Variants in JARID2 observed in about 807,000 individuals in gnomAD.
The protein encoded by JARID2 is jumonji and AT-rich interaction domain containing 2, also known as protein Jumonji.
Under a neutral mutation model 125.6 loss-of-function variants are expected in JARID2, and 21 were observed. The ratio of observed to expected loss-of-function variants is 0.17; its 90% confidence interval spans 0.12 to 0.24. JARID2 has a LOEUF of 0.24. JARID2 is among the 10% of genes least tolerant of loss of function. The pLI is 1.00. For synonymous variants in JARID2, 736 were observed against 661.6 expected (o/e 1.11, Z -1.73); for missense variants, 1,303 against 1,639.6 (o/e 0.79, Z 3.55).
At chr6:15,460,294 C>T (rs999368477) in intron 4 of JARID2, among the ~76,000 whole-genome samples, 3 of 152,150 alleles carry the variant, frequency 2.0e-5, no homozygotes, top group Non-Finnish European at 2.9e-5. Context: ...TGTGAGGATT[C>T]TCCCTGCTAC....
At chr6:15,511,105 G>A (rs563985174) in intron 12 of JARID2, among the ~76,000 whole-genome samples, 191 bp from the exon 13 acceptor site, 7 of 152,340 alleles carry the variant, frequency 4.6e-5, no homozygotes, top group East Asian at 3.9e-4. Context: ...CTAGGTGGAC[G>A]TGGCACTGCT....
At chr6:15,510,471 A>T (rs1771222653) in intron 12 of JARID2, among the ~76,000 whole-genome samples, 1 of 152,102 alleles carries the variant, frequency 6.6e-6, no homozygotes, top group Non-Finnish European at 1.5e-5. Context: ...TGCCGTGAGG[A>T]GGCCGTGTAG....
At chr6:15,256,875 A>G (rs1759685759) in intron 1 of JARID2, among the ~76,000 whole-genome samples, 1 of 152,254 alleles carries the variant, frequency 6.6e-6, no homozygotes, top group South Asian at 2.1e-4. Context: ...TACATAGTAT[A>G]CATTCTAGGA....
At chr6:15,250,284 G>T (rs1222641984) in intron 1 of JARID2, among the ~76,000 whole-genome samples, 3 of 98,558 alleles carry the variant, frequency 3.0e-5, no homozygotes, top group Non-Finnish European at 7.3e-5. Flanking sequence ...AAAGAAAAAA[G>T]TAGGAAGAAC....
chr6:15,445,942 C>T (rs1172335604), intron 3 of JARID2, among the ~76,000 whole-genome samples: 3 of 152,168 alleles, frequency 2.0e-5, no homozygotes, highest in Non-Finnish European at 2.9e-5. Flanking sequence ...AACTGAATTC[C>T]TGTCTACCTT....
At position 15,496,239 on chromosome 6, in the gene JARID2, C is replaced by T; in HGVS notation, c.1014C>T (p.Tyr338=). The change falls in exon 7 of 18, where the codon TAC becomes TAT. Residue 338 remains tyrosine, a synonymous_variant. Transcript: ENST00000341776. ...CTTCACCATCCAAAACTGTGAAGTA[C>T]ACTGCCACGGTGACGAAGGGGGCTG... ...VRPSPSKTVK[Y]TATVTKGAVT... is the part of the protein sequence containing the mutation. 1 of 1,614,138 alleles carries T rather than the reference C, an allele frequency of 6.2e-7. No homozygotes were observed. Among genetic ancestry groups the T allele is most frequent in the African/African-American group, 1.3e-5 (1 of 75,022 alleles).
At chr6:15,423,951 G>A (rs1405847796) in intron 3 of JARID2, among the ~76,000 whole-genome samples, 1 of 152,044 alleles carries the variant, frequency 6.6e-6, no homozygotes, top group African/African-American at 2.4e-5. Context: ...TCTCCCGGAG[G>A]GTCTTTTTGT....
At chr6:15,510,582 C>T (rs1771228900) in intron 12 of JARID2, among the ~76,000 whole-genome samples, 2 of 152,216 alleles carry the variant, frequency 1.3e-5, no homozygotes, top group Non-Finnish European at 1.5e-5. Flanking sequence ...CCAGGCCACC[C>T]TCTGACAGAG....
At chr6:15,365,072 TTAACATAAATTCCCAAGGAAATTCTAG>T (rs1358858921) in intron 1 of JARID2, among the ~76,000 whole-genome samples, 5 of 152,282 alleles carry the variant, frequency 3.3e-5, no homozygotes, top group Admixed American at 3.3e-4. Context: ...TGTAAATAAA[TTAACATAAATTCCCAAGGAAATTCTAG>T]TAACATAAAT....
intron 5 of JARID2, among the ~76,000 whole-genome samples, chr6:15,484,798 G>A (rs571821768): frequency 1.3e-5 from 2 of 152,288 alleles, no homozygotes; most frequent in South Asian, 4.1e-4. Flanking sequence ...GCCTCACCAT[G>A]AGACATGTCT....
At chr6:15,362,921 G>T (rs927331141) in intron 1 of JARID2, among the ~76,000 whole-genome samples, 1 of 152,168 alleles carries the variant, frequency 6.6e-6, no homozygotes, top group Non-Finnish European at 1.5e-5. Flanking sequence ...GAAAAAAAGT[G>T]CCAAGTCCAG....
At position 15,260,295 on chromosome 6, in the gene JARID2, A is replaced by G. The variant is rs190425090; in HGVS notation, c.45+13711A>G. 1.5e-4 allele frequency among the ~76,000 whole-genome samples: 23 copies of G among 152,306 alleles called. No individual in the cohort carries two copies. In the East Asian group the frequency reaches 4.1e-3, roughly 27 times the overall value. On this transcript the variant is annotated intron_variant, in intron 1 of 17. Transcript: ENST00000341776. ...GGGAGCGATTGGTGGGTGTTACTGC[A>G]TGATTCAGTGTTCTGTGTCTTTAAA...
At chr6:15,291,981 G>A (rs1365592528) in intron 1 of JARID2, among the ~76,000 whole-genome samples, 1 of 151,890 alleles carries the variant, frequency 6.6e-6, no homozygotes, top group African/African-American at 2.4e-5. Context: ...TGAAACAAAT[G>A]CCCTTCGATT....
intron 5 of JARID2, among the ~76,000 whole-genome samples, chr6:15,473,558 C>A (rs1769194680): frequency 6.8e-6 from 1 of 147,576 alleles, no homozygotes; most frequent in South Asian, 2.3e-4. Context: ...CCACCTCACA[C>A]CCATATACCA....
At chr6:15,438,202 G>A (rs1767294324) in intron 3 of JARID2, among the ~76,000 whole-genome samples, 1 of 152,160 alleles carries the variant, frequency 6.6e-6, no homozygotes, top group African/African-American at 2.4e-5. Flanking sequence ...ATATATGGCT[G>A]GGAGTGTGGA....
chr6:15,416,241 C>T (rs543072816), intron 3 of JARID2, among the ~76,000 whole-genome samples: 5 of 148,580 alleles, frequency 3.4e-5, no homozygotes, highest in Admixed American at 1.3e-4. Context: ...ATGTCCCAGA[C>T]GATGGGCGGC....
intron 1 of JARID2, among the ~76,000 whole-genome samples, chr6:15,363,685 G>A (rs999288807): frequency 3.9e-5 from 6 of 152,208 alleles, no homozygotes; most frequent in African/African-American, 7.2e-5. Flanking sequence ...TGTGTGATAA[G>A]TATGCTAGTT....
intron 3 of JARID2, among the ~76,000 whole-genome samples, chr6:15,415,656 A>C (rs1257584184): frequency 1.0e-3 from 77 of 77,274 alleles, no homozygotes; most frequent in African/African-American, 1.5e-3. Context: ...GACCCCCCCC[A>C]CCTCCCTCCC....
chr6:15,320,856 G>C (rs1376202744), intron 1 of JARID2, among the ~76,000 whole-genome samples: 4 of 150,634 alleles, frequency 2.7e-5, no homozygotes, highest in Admixed American at 6.6e-5. Flanking sequence ...CTCTCTCTGT[G>C]TGTGTGTGTG....
Sources: gnomAD v4.1 joint callset for allele counts (sites outside exome capture counted in the v4.1 genomes callset) on GRCh38, gnomAD v4.1.1 for gene constraint, MANE v1.5 for transcripts, NCBI Gene and HGNC (gene_info 2026-07-23, HGNC 2026-07-21) for gene names.